Variants in GPBP1L1 observed in about 807,000 individuals in gnomAD.
The protein encoded by GPBP1L1 is vasculin-like protein 1.
GPBP1L1 carries 23 observed loss-of-function variants against 52.5 expected under a neutral mutation model. That is an observed-to-expected ratio of 0.44 (90% CI 0.32 to 0.62). The LOEUF (loss-of-function observed/expected upper bound fraction) is 0.62, where lower values mean the gene tolerates loss of function less well. GPBP1L1 is among the 20% of genes least tolerant of loss of function. The pLI is 0.06. For missense variants in GPBP1L1, 596 were observed against 579.3 expected, an observed-to-expected ratio of 1.03 and a Z score of -0.30; for synonymous variants, 243 against 203.1, an observed-to-expected ratio of 1.20 and a Z score of -1.67.
upstream of GPBP1L1, chr1:45,687,350 AGCGCTTACTATTAAGGAAGACTTC>A (rs1645303281): frequency 6.6e-6 from 1 of 152,300 alleles, no homozygotes. Flanking sequence ...CTCGACTAAA[AGCGCTTACTATTAAGGAAGACTTC>A]GCTGTGGCTC....
intron 2 of GPBP1L1, among the ~76,000 whole-genome samples, chr1:45,680,234 GC>G (rs1372749720): frequency 5.4e-4 from 72 of 133,570 alleles, no homozygotes; most frequent in African/African-American, 1.9e-3. Flanking sequence ...ATTGAGACAC[GC>G]TTTTTTTTTT....
chr1:45,674,287 A>G lies in GPBP1L1; in HGVS notation c.-1098+11289T>C, dbSNP rs57813129. On this transcript the variant is annotated intron_variant, in intron 2 of 12. Coordinates refer to ENST00000355105, the MANE Select transcript of GPBP1L1 (RefSeq NM_021639.5). ...GATTGCCTATTTTATTTGGATAAGT[A>G]GAAGATTAAAAATTTTAATATCACA... is the stretch of plus-strand genomic sequence containing the variant. Among the ~76,000 whole-genome samples the G allele has an allele frequency of 6.9e-3, 1,044 of 152,368 alleles. 12 individuals carry two copies. Among genetic ancestry groups the G allele is most frequent in the African/African-American group, 0.024 (1,005 of 41,580 alleles).
intron 8 of GPBP1L1, among the ~76,000 whole-genome samples, chr1:45,638,341 A>G (rs1323851062): frequency 6.6e-6 from 1 of 152,202 alleles, no homozygotes; most frequent in African/African-American, 2.4e-5. Context: ...CATATTTCCA[A>G]AAGCCCTTGA....
intron 6 of GPBP1L1, chr1:45,646,093 G>C: frequency 2.2e-6 from 1 of 453,458 alleles, no homozygotes; most frequent in Non-Finnish European, 4.3e-6. Context: ...GCTAGAAGTT[G>C]GACAATGACT....
intron 6 of GPBP1L1, among the ~76,000 whole-genome samples, chr1:45,643,814 T>C (rs1291624057): frequency 6.6e-6 from 1 of 151,646 alleles, no homozygotes; most frequent in Non-Finnish European, 1.5e-5. Flanking sequence ...GGATTACAGG[T>C]GCGCACCACC....
At chr1:45,670,954 A>G (rs998771622) in intron 2 of GPBP1L1, among the ~76,000 whole-genome samples, 1 of 151,136 alleles carries the variant, frequency 6.6e-6, no homozygotes, top group Non-Finnish European at 1.5e-5. Context: ...CACCACACCC[A>G]GCTAATTTTT....
At chr1:45,676,429 C>CAT (rs1462005949) in intron 2 of GPBP1L1, among the ~76,000 whole-genome samples, 2 of 151,942 alleles carry the variant, frequency 1.3e-5, no homozygotes, top group African/African-American at 4.8e-5. Context: ...GGCAAGACCC[C>CAT]ATCTCTACAA....
In GPBP1L1 at chr1:45,660,464, GA is replaced by G; in HGVS notation, c.-337del. 2 of 974,714 alleles carry G rather than the reference GA, an allele frequency of 2.1e-6. No individual in the cohort carries two copies. The allele number at this position is 974,714 out of a possible 1,614,324, so 60.4% of individuals were successfully genotyped here. A position where few individuals can be genotyped will look rare whatever the true frequency, so the allele number is the denominator to read the frequency against. On this transcript the variant is annotated 5_prime_UTR_variant, in exon 3 of 13. Transcript: ENST00000355105. ...TATTTGTTACATTTAAAAAGGGGGG[GA>G]AGGGGAAAGAGCTGTATCTATGTTC... is the stretch of plus-strand genomic sequence containing the variant.
chr1:45,639,928 C>A (rs567243266), intron 8 of GPBP1L1, among the ~76,000 whole-genome samples: 214 of 151,204 alleles, frequency 1.4e-3, no homozygotes, highest in Non-Finnish European at 2.2e-3. Context: ...AATAGCCGGG[C>A]ATAATGGCGT....
intron 4 of GPBP1L1, chr1:45,658,721 G>C: frequency 2.9e-6 from 1 of 339,886 alleles, no homozygotes; most frequent in Non-Finnish European, 5.3e-6. Flanking sequence ...CTTGAGCTTA[G>C]GAGTTGAAAA....
intron 10 of GPBP1L1, 30 bp downstream of exon 10, chr1:45,633,459 G>C: frequency 1.2e-6 from 2 of 1,608,142 alleles, no homozygotes; most frequent in Non-Finnish European, 1.7e-6. Flanking sequence ...AAATTCCTAG[G>C]CTACCCCCAG....
chr1:45,647,595 G>A (rs1192950344), intron 6 of GPBP1L1, among the ~76,000 whole-genome samples: 1 of 152,164 alleles, frequency 6.6e-6, no homozygotes, highest in Non-Finnish European at 1.5e-5. Flanking sequence ...TTTACTTCCT[G>A]TTCCTGTGTG....
chr1:45,640,629 C>T (rs1644660116), intron 7 of GPBP1L1, among the ~76,000 whole-genome samples: 1 of 152,134 alleles, frequency 6.6e-6, no homozygotes, highest in Non-Finnish European at 1.5e-5. Flanking sequence ...TATAAATCAG[C>T]CAGGAAGTCC....
At chr1:45,678,640 C>A (rs748465449) in intron 2 of GPBP1L1, among the ~76,000 whole-genome samples, 10 of 152,212 alleles carry the variant, frequency 6.6e-5, no homozygotes, top group Admixed American at 6.5e-5. Flanking sequence ...CCAAACCACT[C>A]CAGGTTAAGT....
At chr1:45,685,554 T>C (rs565747233) in intron 2 of GPBP1L1, 22 bp downstream of exon 2, 1 of 152,192 alleles carries the variant, frequency 6.6e-6, no homozygotes, top group African/African-American at 2.4e-5. Context: ...ACTTTTGGAA[T>C]AGTCAACTTT....
At chr1:45,662,608 G>A (rs999510796) in intron 2 of GPBP1L1, among the ~76,000 whole-genome samples, 2 of 152,154 alleles carry the variant, frequency 1.3e-5, no homozygotes, top group Admixed American at 1.3e-4. Flanking sequence ...ATCAAATTCA[G>A]GATAGTAAGT....
intron 8 of GPBP1L1, among the ~76,000 whole-genome samples, chr1:45,638,857 G>A (rs945723295): frequency 1.1e-4 from 17 of 152,010 alleles, no homozygotes; most frequent in Non-Finnish European, 2.9e-5. Context: ...ATTTCTTCCC[G>A]GGTAAGAGAA....
chr1:45,672,724 G>A (rs970745458), intron 2 of GPBP1L1, among the ~76,000 whole-genome samples: 1 of 152,178 alleles, frequency 6.6e-6, no homozygotes, highest in Non-Finnish European at 1.5e-5. Context: ...CAGCTTTAAA[G>A]ATTGGGGAGA....
intron 6 of GPBP1L1, chr1:45,651,660 AT>A: frequency 3.0e-6 from 2 of 673,434 alleles, no homozygotes; most frequent in Non-Finnish European, 5.4e-6. Context: ...TAGCAGGGCC[AT>A]TTCACAAAGC....
Sources: gnomAD v4.1 joint callset for allele counts (sites outside exome capture counted in the v4.1 genomes callset) on GRCh38, gnomAD v4.1.1 for gene constraint, MANE v1.5 for transcripts, NCBI Gene and HGNC (gene_info 2026-07-23, HGNC 2026-07-21) for gene names.